PCYT1B: variants seen among roughly 807,000 people sequenced by gnomAD.
PCYT1B encodes phosphate cytidylyltransferase 1B, choline.
In PCYT1B, 10 loss-of-function variants were observed where a neutral mutation model predicts 26.4. The observed-to-expected ratio is 0.38, with a 90% confidence interval of 0.23 to 0.64. The LOEUF is 0.64. Among genes scored for constraint, PCYT1B ranks in the 30% least tolerant of loss-of-function variants. PCYT1B has a pLI of 0.56. For synonymous variants in PCYT1B, 131 were observed against 108.4 expected (o/e 1.21, Z -1.29); for missense variants, 161 against 292.7 (o/e 0.55, Z 3.28).
intron 1 of PCYT1B, among the ~76,000 whole-genome samples, chrX:24,660,901 C>A (rs1328790176): frequency 9.0e-6 from 1 of 111,331 alleles, no homozygotes; most frequent in Non-Finnish European, 1.9e-5. Context: ...AGGAACTCAA[C>A]AGGAGCAAAA....
At chrX:24,661,460 C>G (rs1927028022) in intron 1 of PCYT1B, among the ~76,000 whole-genome samples, 1 of 112,076 alleles carries the variant, frequency 8.9e-6, no homozygotes, top group Non-Finnish European at 1.9e-5. Context: ...GACAGAAAGA[C>G]AGGCAATACC....
chrX:24,633,007 C>T lies in PCYT1B; in HGVS notation c.118-13923G>A, dbSNP rs764083900. ...GGTGGATCACCTGAGGTCAGGAGTT[C>T]GAGACCAGCCTGACCAACATGGTGA... On this transcript the variant is annotated intron_variant, in intron 1 of 7. Coordinates refer to ENST00000379144, the MANE Select transcript of PCYT1B (RefSeq NM_004845.5). Among the ~76,000 whole-genome samples the T allele has an allele frequency of 1.0e-2, 1,085 of 109,023 alleles. 12 individuals carry two copies. The highest frequency in any genetic ancestry group is 0.035 in the African/African-American group (1,046 of 29,963). 94.7% of individuals were successfully genotyped at this position (109,023 alleles called of 115,157 possible). A position where few individuals can be genotyped will look rare whatever the true frequency, so the allele number is the denominator to read the frequency against.
intron 1 of PCYT1B, among the ~76,000 whole-genome samples, chrX:24,668,650 T>C (rs1315830736): frequency 9.2e-6 from 1 of 109,019 alleles, no homozygotes; most frequent in Non-Finnish European, 1.9e-5. Flanking sequence ...AGTGTGAAAG[T>C]GTTTTATGCT....
upstream of PCYT1B, among the ~76,000 whole-genome samples, chrX:24,647,792 T>C (rs1926676768): frequency 8.9e-6 from 1 of 112,717 alleles, no homozygotes; most frequent in South Asian, 3.7e-4. Flanking sequence ...CACCTGAGTG[T>C]TCGACCCCTG....
chrX:24,670,113 A>AAAGAAAGAAAGAAAGG (rs1602218930), intron 1 of PCYT1B, among the ~76,000 whole-genome samples: 2 of 23,583 alleles, frequency 8.5e-5, no homozygotes, highest in African/African-American at 1.6e-4. Context: ...AGAAAGAAAG[A>AAAGAAAGAAAGAAAGG]AAGGAAGGAA....
In PCYT1B at chrX:24,560,518, A is replaced by G. The variant is rs1181247235; in HGVS notation, c.*1775T>C. The G allele has an allele frequency of 8.9e-6, 1 of 112,339 alleles. No individual in the cohort carries two copies. Among genetic ancestry groups the G allele is most frequent in the African/African-American group, 3.2e-5 (1 of 30,774 alleles). The allele number at this position is 112,339 out of a possible 1,213,427, so 9.3% of individuals were successfully genotyped here. On this transcript the variant is annotated 3_prime_UTR_variant, in exon 8 of 8. Transcript: ENST00000379144. ...CATGTTCCTGCCAGCCCTCTGTCCC[A>G]TATGAGTGCTTCCCAGAGTCCTGGA...
intron 3 of PCYT1B, among the ~76,000 whole-genome samples, chrX:24,606,340 G>A (rs989047727): frequency 9.0e-6 from 1 of 111,677 alleles, no homozygotes; most frequent in African/African-American, 3.3e-5. Context: ...CAGGGCCCCA[G>A]TAGCCTAGGA....
intron 4 of PCYT1B, among the ~76,000 whole-genome samples, chrX:24,588,303 C>G (rs1333243895): frequency 9.0e-6 from 1 of 111,438 alleles, no homozygotes; most frequent in Non-Finnish European, 1.9e-5. Context: ...CTGTAGGCCC[C>G]CTCCTCTCCA....
chrX:24,567,158 G>A (rs1472959912), intron 7 of PCYT1B, among the ~76,000 whole-genome samples: 1 of 112,266 alleles, frequency 8.9e-6, no homozygotes, highest in African/African-American at 3.2e-5. Context: ...TGCTGTTAAT[G>A]GATTGTCAGG....
chrX:24,627,474 C>T, intron 1 of PCYT1B, among the ~76,000 whole-genome samples: 1 of 111,704 alleles, frequency 9.0e-6, no homozygotes, highest in Non-Finnish European at 1.9e-5. Flanking sequence ...GCTGGGACTA[C>T]AGGCGTGTGC....
chrX:24,650,285 G>C (rs1375372881), upstream of PCYT1B: 1 of 106,956 alleles, frequency 9.3e-6, no homozygotes. Context: ...TAGCAGGAGA[G>C]AGTTTATTGG....
intron 1 of PCYT1B, among the ~76,000 whole-genome samples, chrX:24,644,449 TACACAC>T (rs201474505): frequency 0.42 from 40,228 of 94,832 alleles, 7,109 homozygotes; most frequent in East Asian, 0.65. Flanking sequence ...ATGTGCATGA[TACACAC>T]ACACACACAC....
Position 24,558,908 on chromosome X carries a change from A to C in PCYT1B, c.*3385T>G, listed in dbSNP as rs763077435. 3.6e-5 allele frequency: 4 copies of C among 111,013 alleles called. No homozygotes were observed. The highest frequency in any genetic ancestry group is 2.9e-4 in the Admixed American group (3 of 10,340). 9.1% of individuals were successfully genotyped at this position (111,013 alleles called of 1,213,427 possible). On this transcript the variant is annotated 3_prime_UTR_variant, in exon 8 of 8. Transcript: ENST00000379144. ...AGCTAATATAGAAGTGCTGAAATGA[A>C]GCAACCAGAGAGGCAGGGACCCCAT...
rs1462062324 is a variant in PCYT1B at position 24,562,340 on chromosome X, A to G, written c.1063T>C (p.Ser355Pro). 1 of 1,167,930 alleles carries G rather than the reference A, an allele frequency of 8.6e-7. No homozygotes were observed. Among genetic ancestry groups the G allele is most frequent in the Non-Finnish European group, 1.1e-6 (1 of 875,446 alleles). The change falls in exon 8 of 8, where the codon TCA becomes CCA. Residue 355 changes from serine (S) to proline (P), a missense_variant. Physicochemically the swap from Ser to Pro is moderately conservative, Grantham distance 74 (BLOSUM62 -1). This residue lies in a region of PCYT1B where 38 missense variants were observed against 55.9 expected (regional missense o/e 0.68). Coordinates refer to ENST00000379144, the MANE Select transcript of PCYT1B (RefSeq NM_004845.5). ...TCGCTCATGCTGCTGATAGAGGCTG[A>G]GGCTGCTTTGGGTGAGGAAGGGGGT... is the stretch of plus-strand genomic sequence containing the variant. ...TSPPSSPKAASASISSMSEGD... is the reference protein window; with the variant it reads ...TSPPSSPKAAPASISSMSEGD...
intron 7 of PCYT1B, among the ~76,000 whole-genome samples, chrX:24,567,122 T>C (rs909117115): frequency 1.2e-4 from 13 of 112,302 alleles, no homozygotes; most frequent in Non-Finnish European, 2.1e-4. Context: ...TTTAAGTATA[T>C]TTTCTGTGGC....
At chrX:24,594,096 C>A (rs1292425522) in intron 3 of PCYT1B, among the ~76,000 whole-genome samples, 1 of 111,064 alleles carries the variant, frequency 9.0e-6, no homozygotes, top group Non-Finnish European at 1.9e-5. Context: ...TGTAGTGGGG[C>A]CCAGATAGCT....
rs1276923375 is a variant in PCYT1B, at chrX:24,590,137, G to A, written c.372C>T (p.Phe124=). ...ATCTCTCGGCTTCATTCATCACGGT[G>A]AAACCTTTGAATTTGTGGGTGAGAT... is the stretch of plus-strand genomic sequence containing the variant. ...SDDLTHKFKG[F]TVMNEAERYE... is the part of the protein sequence containing the mutation. The change falls in exon 4 of 8, where the codon TTC becomes TTT. Residue 124 remains phenylalanine, a synonymous_variant. Transcript: ENST00000379144. 2 of 1,208,809 alleles carry A rather than the reference G, an allele frequency of 1.7e-6. No individual in the cohort carries two copies. The highest frequency in any genetic ancestry group is 3.0e-5 in the East Asian group (1 of 33,805).
intron 1 of PCYT1B, among the ~76,000 whole-genome samples, chrX:24,630,821 C>T (rs1926057358): frequency 8.9e-6 from 1 of 112,242 alleles, no homozygotes; most frequent in African/African-American, 3.2e-5. Flanking sequence ...GAAATTCCTC[C>T]CGTGGTGCCA....
At chrX:24,635,295 GA>G (rs993693447) in intron 1 of PCYT1B, among the ~76,000 whole-genome samples, 3 of 109,751 alleles carry the variant, frequency 2.7e-5, no homozygotes, top group Non-Finnish European at 3.8e-5. Flanking sequence ...CTAATGTGTA[GA>G]AAAAAAAACT....
Sources: allele counts gnomAD v4.1 joint callset (sites outside exome capture counted in the v4.1 genomes callset), GRCh38; gene constraint gnomAD v4.1.1; regional missense constraint gnomAD v4.1.1; transcripts MANE v1.5; gene names NCBI Gene and HGNC (gene_info 2026-07-23, HGNC 2026-07-21).